TNPO2: variants seen among roughly 807,000 people sequenced by gnomAD.
TNPO2 encodes the protein transportin 2, also known as transportin-2.
In TNPO2, 16 loss-of-function variants were observed where a neutral mutation model predicts 111.1. That is an observed-to-expected ratio of 0.14 (90% CI 0.10 to 0.22). TNPO2 has a LOEUF of 0.22. TNPO2 is among the 10% of genes least tolerant of loss of function. The probability of loss-of-function intolerance (pLI) is 1.00; values close to 1 mark genes in which losing one functional copy is unlikely to be tolerated. For missense variants in TNPO2, 530 were observed against 1,173.7 expected (o/e 0.45, Z 8.01); for synonymous variants, 481 against 475.8 (o/e 1.01, Z -0.14).
chr19:12,715,330 G>C lies in TNPO2; in HGVS notation c.567-6C>G. ...CGCAGGCGATGGCGTGGGACCTGGC[G>C]GGGAGCAGACACGTGGGTCACCCTG... On this transcript the variant is annotated splice_region_variant and splice_polypyrimidine_tract_variant and intron_variant, in intron 7 of 25. Coordinates refer to ENST00000425528, the MANE Select transcript of TNPO2 (RefSeq NM_001382241.1). This position sits in a 1 kb window ranked among gnomAD's most constrained non-coding sequence, Gnocchi z 7.1. The C allele has an allele frequency of 6.2e-7, 1 of 1,613,768 alleles. No individual in the cohort carries two copies. The highest frequency in any genetic ancestry group is 8.5e-7 in the Non-Finnish European group (1 of 1,179,832).
At chr19:12,720,528 C>T (rs953740073) in intron 3 of TNPO2, among the ~76,000 whole-genome samples, 4 of 152,114 alleles carry the variant, frequency 2.6e-5, no homozygotes, top group African/African-American at 9.7e-5. Context: ...CCTATGTTGC[C>T]CAGGCTGGTC....
chr19:12,708,332 A>G (rs1398348537), intron 13 of TNPO2, among the ~76,000 whole-genome samples: 2 of 143,730 alleles, frequency 1.4e-5, no homozygotes, highest in African/African-American at 5.2e-5. Flanking sequence ...GGGTTTTGCC[A>G]TGTTGGCCAT....
Position 12,719,475 on chromosome 19 carries a change from T to C in TNPO2, c.100-139A>G. On this transcript the variant is annotated intron_variant, in intron 3 of 25. Transcript: ENST00000425528. This position sits in a 1 kb window ranked among gnomAD's most constrained non-coding sequence, Gnocchi z 5.0. ...ATCCCGCTCCCTAATAAGCCCACAATGACACAGAGCACCTCAGACACGTCA... is the reference window on the plus strand; with the variant it reads ...ATCCCGCTCCCTAATAAGCCCACAACGACACAGAGCACCTCAGACACGTCA... The C allele has an allele frequency of 1.4e-6, 1 of 728,146 alleles. No individual in the cohort carries two copies. The highest frequency in any genetic ancestry group is 2.4e-6 in the Non-Finnish European group (1 of 413,810). The allele number at this position is 728,146 out of a possible 1,614,324, so 45.1% of individuals were successfully genotyped here.
intron 2 of TNPO2, among the ~76,000 whole-genome samples, chr19:12,722,937 C>T (rs1235423244): frequency 6.6e-6 from 1 of 152,196 alleles, no homozygotes; most frequent in Admixed American, 6.5e-5. Flanking sequence ...TGTCACCTTC[C>T]TCCACTAAAA....
Position 12,701,914 on chromosome 19 carries a change from G to T in TNPO2, c.2412-63C>A. 1 of 1,491,982 alleles carries T rather than the reference G, an allele frequency of 6.7e-7. No homozygotes were observed. The highest frequency in any genetic ancestry group is 9.3e-7 in the Non-Finnish European group (1 of 1,071,210). The allele number at this position is 1,491,982 out of a possible 1,614,324, so 92.4% of individuals were successfully genotyped here. ...CTGGGCATGCATCTGTGGAGGGCTG[G>T]GTCACTGGGGATCAGTGAGTGGGCC... is the stretch of plus-strand genomic sequence containing the variant. On this transcript the variant is annotated intron_variant, in intron 22 of 25. Transcript: ENST00000425528. The surrounding 1 kb of genome is among the most constrained non-coding windows in gnomAD (Gnocchi z 5.0).
chr19:12,714,375 C>T (rs1429104923), intron 10 of TNPO2, among the ~76,000 whole-genome samples: 2 of 150,684 alleles, frequency 1.3e-5, no homozygotes, highest in East Asian at 3.9e-4. Context: ...TGCAGTGGCA[C>T]GACCTTGGCT....
At position 12,706,565 on chromosome 19, in the gene TNPO2, G is replaced by T. The variant is rs779113621; in HGVS notation, c.1496+5C>A. ...GGGGCTGTGGGATCAGGGGTCCAGG[G>T]TCACCTGCAGGCCGCCTCCTGTACC... is the stretch of plus-strand genomic sequence containing the variant. On this transcript the variant is annotated splice_donor_5th_base_variant and intron_variant, in intron 14 of 25. Transcript: ENST00000425528. The surrounding 1 kb of genome is among the most constrained non-coding windows in gnomAD (Gnocchi z 7.0). 6.2e-6 allele frequency: 10 copies of T among 1,613,752 alleles called. No individual in the cohort carries two copies. The East Asian group carries it at 2.2e-4, about 36-fold the overall frequency.
intron 3 of TNPO2, among the ~76,000 whole-genome samples, chr19:12,720,091 A>G (rs1341328443): frequency 1.3e-5 from 2 of 151,982 alleles, no homozygotes; most frequent in African/African-American, 4.8e-5. Context: ...ATCTCCGCTC[A>G]CTGCAACCTC....
rs577053578 is a variant in TNPO2 at position 12,719,236 on chromosome 19, G to A, written c.175+25C>T. On this transcript the variant is annotated intron_variant, in intron 4 of 25. Transcript: ENST00000425528. This position sits in a 1 kb window ranked among gnomAD's most constrained non-coding sequence, Gnocchi z 5.0. The stretch of plus-strand genomic sequence containing the variant: ...AGGGGGAGAAAGCAGGGTCCCGATC[G>A]CATGGAAGGGAGCAGAGGGCGTACC... The A allele has an allele frequency of 1.1e-5, 17 of 1,613,790 alleles. No individual in the cohort carries two copies. Among genetic ancestry groups the A allele is most frequent in the East Asian group, 4.5e-5 (2 of 44,896 alleles).
In TNPO2 at chr19:12,702,027, C is replaced by G; in HGVS notation, c.2411+45G>C. ...TGCACAGGCGAGGGAGGGGGTTGGGCCAGTCCCGCCCACCACACAGCAGGC... is the reference window on the plus strand; with the variant it reads ...TGCACAGGCGAGGGAGGGGGTTGGGGCAGTCCCGCCCACCACACAGCAGGC... On this transcript the variant is annotated intron_variant, in intron 22 of 25. Transcript: ENST00000425528. The surrounding 1 kb of genome is among the most constrained non-coding windows in gnomAD (Gnocchi z 5.5). The G allele has an allele frequency of 6.3e-7, 1 of 1,587,566 alleles. No homozygotes were observed. Among genetic ancestry groups the G allele is most frequent in the Middle Eastern group, 1.7e-4 (1 of 6,018 alleles).
At chr19:12,710,990 G>A (rs557059675) in intron 12 of TNPO2, among the ~76,000 whole-genome samples, 1 of 152,286 alleles carries the variant, frequency 6.6e-6, no homozygotes, top group South Asian at 2.1e-4. Flanking sequence ...CGCCTCCTGG[G>A]TTCATGCCGT....
chr19:12,703,051 A>ACAAAACAAAAAAAAACAAAAAG, intron 20 of TNPO2, 133 bp from the exon 21 acceptor site: 1 of 779,878 alleles, frequency 1.3e-6, no homozygotes. Flanking sequence ...AGGAAACAAA[A>ACAAAACAAAAAAAAACAAAAAG]GACCTTCTCC....
In TNPO2 at chr19:12,711,297, C is replaced by G; in HGVS notation, c.1116G>C (p.Leu372Phe). 1.2e-6 allele frequency: 2 copies of G among 1,613,004 alleles called. No homozygotes were observed. The highest frequency in any genetic ancestry group is 1.7e-6 in the Non-Finnish European group (2 of 1,179,358). ...CCACCCCCAGGCAGGGGCACACACT[C>G]AAATTCCAGTCGGACAGAGCATCAT... ...DDDDALSDWN[L>F]RKCSAAALDV... Residue 372 changes from leucine (L) to phenylalanine (F), a missense_variant and splice_region_variant, in exon 12 of 26, where the codon TTG (leucine) becomes TTC (phenylalanine). Coordinates refer to ENST00000425528, the MANE Select transcript of TNPO2 (RefSeq NM_001382241.1).
Position 12,706,052 on chromosome 19 carries a change from G to T in TNPO2, c.1668+144C>A. ...GTCTTTCTCCCCCACTAGACTGGGA[G>T]CAGGGCGAGGGCGGGGCCGGGTCTG... On this transcript the variant is annotated intron_variant, in intron 15 of 25. Transcript: ENST00000425528. The surrounding 1 kb of genome is among the most constrained non-coding windows in gnomAD (Gnocchi z 7.0). The T allele has an allele frequency of 2.2e-6, 2 of 901,634 alleles. No homozygotes were observed. Among genetic ancestry groups the T allele is most frequent in the Non-Finnish European group, 3.3e-6 (2 of 606,590 alleles). The allele number at this position is 901,634 out of a possible 1,614,324, so 55.9% of individuals were successfully genotyped here. A position where few individuals can be genotyped will look rare whatever the true frequency, so the allele number is the denominator to read the frequency against.
Position 12,706,527 on chromosome 19 carries a change from C to T in TNPO2, c.1496+43G>A. The stretch of plus-strand genomic sequence containing the variant: ...GGTGTCATCACTTCCCAGAGGGTGG[C>T]CGGGGGAGAGTGGGGGCTGTGGGAT... On this transcript the variant is annotated intron_variant, in intron 14 of 25. Transcript: ENST00000425528. The surrounding 1 kb of genome is among the most constrained non-coding windows in gnomAD (Gnocchi z 7.0). The T allele has an allele frequency of 1.2e-6, 2 of 1,604,688 alleles. No homozygotes were observed. The highest frequency in any genetic ancestry group is 1.7e-6 in the Non-Finnish European group (2 of 1,171,996).
chr19:12,709,026 G>C (rs8108290), intron 13 of TNPO2, among the ~76,000 whole-genome samples: 20,225 of 147,280 alleles, frequency 0.14, 4,137 homozygotes, highest in African/African-American at 0.45. Context: ...GCGATAAGAG[G>C]GAGACTCCAT....
chr19:12,718,231 T>C (rs2026474334), intron 5 of TNPO2, among the ~76,000 whole-genome samples: 1 of 151,202 alleles, frequency 6.6e-6, no homozygotes, highest in African/African-American at 2.4e-5. Context: ...AGTGGCGCCA[T>C]CTCGCCTCAC....
rs767351450 is a variant in TNPO2 at position 12,706,407 on chromosome 19, T to C, written c.1497-40A>G. The C allele has an allele frequency of 2.5e-6, 4 of 1,613,034 alleles. No homozygotes were observed. The African/African-American group carries it at 5.3e-5, about 22-fold the overall frequency. On this transcript the variant is annotated intron_variant, in intron 14 of 25. Coordinates refer to ENST00000425528, the MANE Select transcript of TNPO2 (RefSeq NM_001382241.1). This position sits in a 1 kb window ranked among gnomAD's most constrained non-coding sequence, Gnocchi z 7.0. Reference sequence around the variant, plus strand: ...GATGAAGCGGGGGCTCAGTGGACCATGGCAGGTGACACTGGGCCATGGGCA... The same window carrying C: ...GATGAAGCGGGGGCTCAGTGGACCACGGCAGGTGACACTGGGCCATGGGCA...
chr19:12,701,186 G>A lies in TNPO2; in HGVS notation c.*78C>T, dbSNP rs2025273363. On this transcript the variant is annotated 3_prime_UTR_variant, in exon 26 of 26. Transcript: ENST00000425528. This position sits in a 1 kb window ranked among gnomAD's most constrained non-coding sequence, Gnocchi z 5.0. ...TAACCCCCCTCAACCAGGGCACAGC[G>A]ACTTCCGGATGCAGCGCACTCCCCA... is the stretch of plus-strand genomic sequence containing the variant. The A allele has an allele frequency of 4.3e-5, 26 of 600,746 alleles. No individual in the cohort carries two copies. In the South Asian group the frequency reaches 4.8e-4, roughly 11 times the overall value. 37.2% of individuals were successfully genotyped at this position (600,746 alleles called of 1,614,324 possible). A position where few individuals can be genotyped will look rare whatever the true frequency, so the allele number is the denominator to read the frequency against.
Sources: gnomAD v4.1 joint callset for allele counts (sites outside exome capture counted in the v4.1 genomes callset) on GRCh38, gnomAD v4.1.1 for gene constraint, Gnocchi (gnomAD v3.1) non-coding constraint, MANE v1.5 for transcripts, NCBI Gene and HGNC (gene_info 2026-07-23, HGNC 2026-07-21) for gene names.